NCAM2: variants seen among roughly 807,000 people sequenced by gnomAD.
NCAM2 encodes the protein N-CAM-2.
NCAM2 carries 30 observed loss-of-function variants against 98.1 expected under a neutral mutation model. The ratio of observed to expected loss-of-function variants is 0.31; its 90% confidence interval spans 0.23 to 0.41. NCAM2 has a LOEUF of 0.41. NCAM2 is among the 10% of genes least tolerant of loss of function. The pLI is 1.00. For synonymous variants in NCAM2, 368 were observed against 342.4 expected (o/e 1.07, Z -0.83); for missense variants, 867 against 1,005.8 (o/e 0.86, Z 1.87).
intron 7 of NCAM2, among the ~76,000 whole-genome samples, chr21:21,335,994 C>G (rs1353244491): frequency 6.6e-6 from 1 of 152,026 alleles, no homozygotes; most frequent in East Asian, 1.9e-4. Context: ...GTTTTACTTA[C>G]AATATAGTTC....
At chr21:21,051,486 A>G (rs2065107303) in intron 1 of NCAM2, among the ~76,000 whole-genome samples, 1 of 152,240 alleles carries the variant, frequency 6.6e-6, no homozygotes. Context: ...AATGGATATC[A>G]AATTGCGCTG....
intron 1 of NCAM2, among the ~76,000 whole-genome samples, chr21:21,083,177 GCTT>G (rs1488383716): frequency 1.3e-5 from 2 of 152,100 alleles, no homozygotes; most frequent in Non-Finnish European, 2.9e-5. Flanking sequence ...TATATTCCCA[GCTT>G]CTTAACGTGG....
chr21:21,506,126 C>T (rs1043187432), intron 15 of NCAM2, among the ~76,000 whole-genome samples: 3 of 152,058 alleles, frequency 2.0e-5, no homozygotes, highest in Non-Finnish European at 4.4e-5. Flanking sequence ...TTGCCTAGAA[C>T]TATCTGCATG....
At chr21:21,024,109 A>G (rs987683936) in intron 1 of NCAM2, among the ~76,000 whole-genome samples, 1 of 152,234 alleles carries the variant, frequency 6.6e-6, no homozygotes, top group African/African-American at 2.4e-5. Context: ...GTGATATTCC[A>G]TATAAGTGAT....
At chr21:21,352,021 A>G (rs2075355375) in intron 8 of NCAM2, among the ~76,000 whole-genome samples, 1 of 151,798 alleles carries the variant, frequency 6.6e-6, no homozygotes, top group Non-Finnish European at 1.5e-5. Context: ...AAATGCTGGG[A>G]TTGCAGGCTC....
chr21:21,170,692 T>C (rs2068093496), intron 1 of NCAM2, among the ~76,000 whole-genome samples: 1 of 152,190 alleles, frequency 6.6e-6, no homozygotes, highest in Non-Finnish European at 1.5e-5. Context: ...GAAACACATG[T>C]CATTACATGT....
intron 9 of NCAM2, among the ~76,000 whole-genome samples, chr21:21,393,529 T>C (rs1445573723): frequency 3.3e-5 from 5 of 152,176 alleles, no homozygotes; most frequent in Admixed American, 3.3e-4. Flanking sequence ...ACCTAATAAG[T>C]ATTGGATATG....
chr21:21,418,678 A>C, intron 11 of NCAM2, 109 bp downstream of exon 11: 5 of 821,722 alleles, frequency 6.1e-6, no homozygotes, highest in Non-Finnish European at 1.1e-5. Flanking sequence ...AAAACAATGG[A>C]TCTCTTGGAG....
chr21:21,491,612 C>A (rs1196578043), intron 15 of NCAM2, among the ~76,000 whole-genome samples: 1 of 151,404 alleles, frequency 6.6e-6, no homozygotes, highest in Non-Finnish European at 1.5e-5. Context: ...TCATATTTTT[C>A]TTTTAGAGCA....
In NCAM2 at chr21:21,534,600, C is replaced by T. The variant is rs772686411; in HGVS notation, c.2346C>T (p.His782=). Residue 782 remains histidine, a synonymous_variant, in exon 17 of 18, where the codon CAC becomes CAT. Coordinates refer to ENST00000400546, the MANE Select transcript of NCAM2 (RefSeq NM_004540.5). ...CAGAGGATGAAAGAGTTACTAATCA[C>T]GAAGATGGGAGCCCAGTAAATGAGC... ...MRTEDERVTN[H]EDGSPVNEPN... The T allele has an allele frequency of 5.0e-6, 8 of 1,609,918 alleles. No individual in the cohort carries two copies. The African/African-American group carries it at 5.4e-5, about 11-fold the overall frequency.
At chr21:21,520,696 AACT>A (rs1381572959) in intron 16 of NCAM2, among the ~76,000 whole-genome samples, 1 of 152,188 alleles carries the variant, frequency 6.6e-6, no homozygotes, top group Non-Finnish European at 1.5e-5. Context: ...TGTTAGTGCA[AACT>A]ACCGTCCTGA....
intron 1 of NCAM2, among the ~76,000 whole-genome samples, chr21:21,153,269 A>G (rs1266424594): frequency 6.8e-6 from 1 of 147,046 alleles, no homozygotes; most frequent in African/African-American, 2.5e-5. Context: ...ATTTTGTTTG[A>G]CTCTTTCAGA....
intron 6 of NCAM2, among the ~76,000 whole-genome samples, chr21:21,332,855 G>A (rs977194262): frequency 6.6e-6 from 1 of 152,188 alleles, no homozygotes; most frequent in African/African-American, 2.4e-5. Context: ...GCTAATGTGT[G>A]AAAACTATTG....
chr21:21,513,884 C>G (rs1384791821), intron 16 of NCAM2, among the ~76,000 whole-genome samples: 1 of 151,976 alleles, frequency 6.6e-6, no homozygotes, highest in African/African-American at 2.4e-5. Context: ...ATGTTGGGTG[C>G]ATACATATTT....
intron 15 of NCAM2, among the ~76,000 whole-genome samples, chr21:21,479,168 A>T (rs1985532913): frequency 2.2e-5 from 1 of 45,720 alleles, no homozygotes; most frequent in African/African-American, 6.1e-5. Context: ...TTAATAATGT[A>T]TTAAATTTAA....
At chr21:21,379,519 T>C (rs2148078917) in intron 9 of NCAM2, among the ~76,000 whole-genome samples, 1 of 152,276 alleles carries the variant, frequency 6.6e-6, no homozygotes, top group South Asian at 2.1e-4. Context: ...TGGCTCATAG[T>C]TATGTACAAG....
chr21:21,444,568 T>C (rs1270421313), intron 12 of NCAM2, among the ~76,000 whole-genome samples: 2 of 152,010 alleles, frequency 1.3e-5, no homozygotes, highest in African/African-American at 4.8e-5. Context: ...CATGGGAGGG[T>C]GTATGTGTCC....
At chr21:21,483,309 G>C (rs1035456805) in intron 15 of NCAM2, among the ~76,000 whole-genome samples, 3 of 151,698 alleles carry the variant, frequency 2.0e-5, no homozygotes, top group African/African-American at 7.3e-5. Flanking sequence ...TCTGCCCTCT[G>C]GGAACATGTA....
In NCAM2 at chr21:21,431,998, G is replaced by A. The variant is rs568648327; in HGVS notation, c.1481-110G>A. ...GTTCTGTAACTCGAACATATTAAGT[G>A]ATACAGGTAGCAGTTTTCCTTCACT... On this transcript the variant is annotated intron_variant, in intron 11 of 17. Transcript: ENST00000400546. 1.2e-4 allele frequency: 105 copies of A among 863,370 alleles called. No individual in the cohort carries two copies. The South Asian group carries it at 2.5e-3, about 21-fold the overall frequency. The allele number at this position is 863,370 out of a possible 1,614,324, so 53.5% of individuals were successfully genotyped here.
Sources: gnomAD v4.1 joint callset for allele counts (sites outside exome capture counted in the v4.1 genomes callset) on GRCh38, gnomAD v4.1.1 for gene constraint, MANE v1.5 for transcripts, NCBI Gene and HGNC (gene_info 2026-07-23, HGNC 2026-07-21) for gene names.